MTA3: variants seen among roughly 807,000 people sequenced by gnomAD.
The protein encoded by MTA3 is metastasis associated 1 family member 3, also known as metastasis-associated protein MTA3.
Under a neutral mutation model 83.5 loss-of-function variants are expected in MTA3, and 34 were observed. The ratio of observed to expected loss-of-function variants is 0.41; its 90% CI spans 0.31 to 0.54. MTA3 has a LOEUF of 0.54. MTA3 is among the 20% of genes least tolerant of loss of function. The pLI is 0.33. For synonymous variants in MTA3, 303 were observed against 252.7 expected (o/e 1.20, Z -1.89); for missense variants, 761 against 726.4 (o/e 1.05, Z -0.55).
chr2:42,599,715 C>G (rs1244935492), intron 3 of MTA3, among the ~76,000 whole-genome samples: 1 of 152,046 alleles, frequency 6.6e-6, no homozygotes, highest in East Asian at 1.9e-4. Context: ...CTAAAGATAA[C>G]AAAATAAAAT....
chr2:42,559,203 C>T (rs568274753), intron 2 of MTA3, among the ~76,000 whole-genome samples: 1 of 152,248 alleles, frequency 6.6e-6, no homozygotes, highest in Admixed American at 6.5e-5. Context: ...CCTGGGAGTC[C>T]CAACAAGTTT....
intron 16 of MTA3, among the ~76,000 whole-genome samples, chr2:42,728,475 T>C (rs999263025): frequency 3.3e-5 from 5 of 152,206 alleles, no homozygotes; most frequent in Admixed American, 6.5e-5. Flanking sequence ...CTGGATCATA[T>C]GGTAGTTCTA....
chr2:42,710,777 T>G (rs1666538716), intron 14 of MTA3, among the ~76,000 whole-genome samples: 1 of 152,134 alleles, frequency 6.6e-6, no homozygotes. Flanking sequence ...TTCATGTAAT[T>G]TTTTAAATAA....
intron 6 of MTA3, among the ~76,000 whole-genome samples, chr2:42,655,840 T>C (rs529844330): frequency 7.9e-5 from 12 of 152,324 alleles, no homozygotes; most frequent in African/African-American, 2.6e-4. Flanking sequence ...TGGCCTCAAG[T>C]GATCTGTCTG....
rs185031725 is a variant in MTA3, at chr2:42,724,617, G to A, written c.1759+1582G>A. 1.0e-4 allele frequency among the ~76,000 whole-genome samples: 14 copies of A among 139,570 alleles called. No individual in the cohort carries two copies. The East Asian group carries it at 2.6e-3, about 26-fold the overall frequency. 91.6% of individuals were successfully genotyped at this position (139,570 alleles called of 152,430 possible). ...TCTGATCATGCCACTGCACTCCAGC[G>A]AGGATGACAGAGACCCCATCACACA... is the stretch of plus-strand genomic sequence containing the variant. On this transcript the variant is annotated intron_variant, in intron 16 of 16. Coordinates refer to ENST00000405094, the MANE Select transcript of MTA3 (RefSeq NM_001330442.2).
chr2:42,709,164 C>T (rs2104509352), intron 14 of MTA3, 68 bp downstream of exon 14: 2 of 1,499,918 alleles, frequency 1.3e-6, no homozygotes, highest in Non-Finnish European at 8.9e-7. Flanking sequence ...TCCTCTCTTT[C>T]CTTTTTTTTT....
At position 42,682,605 on chromosome 2, in the gene MTA3, T is replaced by C; in HGVS notation, c.891+16T>C. 1.3e-6 allele frequency: 2 copies of C among 1,592,842 alleles called. No homozygotes were observed. The highest frequency in any genetic ancestry group is 1.7e-6 in the Non-Finnish European group (2 of 1,167,924). On this transcript the variant is annotated intron_variant, in intron 9 of 16. Coordinates refer to ENST00000405094, the MANE Select transcript of MTA3 (RefSeq NM_001330442.2). ...GCAAGATTTTGTAAGTAGAAAATTA[T>C]GAGTAAAATAAAATGTTGAGATGGG...
At chr2:42,728,503 A>C (rs960490089) in intron 16 of MTA3, among the ~76,000 whole-genome samples, 3 of 152,114 alleles carry the variant, frequency 2.0e-5, no homozygotes, top group South Asian at 2.1e-4. Flanking sequence ...TTTTTTGAGG[A>C]TCCTCCAAAC....
chr2:42,736,782 T>C (rs976022850), intron 16 of MTA3, among the ~76,000 whole-genome samples: 2 of 152,202 alleles, frequency 1.3e-5, no homozygotes, highest in Non-Finnish European at 2.9e-5. Flanking sequence ...ACACAACAAG[T>C]ACTGCCTGGA....
chr2:42,579,855 G>A (rs977948685), intron 3 of MTA3, among the ~76,000 whole-genome samples: 52 of 152,166 alleles, frequency 3.4e-4, no homozygotes, highest in Non-Finnish European at 7.6e-4. Context: ...TGGCCTATTG[G>A]TGGTTTTGTG....
chr2:42,524,140 G>A (rs1481674666), intron 2 of MTA3, among the ~76,000 whole-genome samples: 2 of 151,956 alleles, frequency 1.3e-5, no homozygotes, highest in African/African-American at 4.8e-5. Flanking sequence ...GGGAACCATG[G>A]TTCTAGATTG....
intron 4 of MTA3, among the ~76,000 whole-genome samples, chr2:42,626,765 G>A (rs2104229267): frequency 6.6e-6 from 1 of 151,902 alleles, no homozygotes; most frequent in East Asian, 1.9e-4. Context: ...TTTTTAGACA[G>A]AGTCTTGCTT....
intron 15 of MTA3, 62 bp downstream of exon 15, chr2:42,719,136 G>T: frequency 1.6e-6 from 2 of 1,285,594 alleles, no homozygotes; most frequent in Non-Finnish European, 2.2e-6. Context: ...TAGATATTTG[G>T]CAATTCTAAA....
Position 42,719,052 on chromosome 2 carries a change from G to C in MTA3, c.1590G>C (p.Leu530Phe). 3 of 1,550,236 alleles carry C rather than the reference G, an allele frequency of 1.9e-6. No homozygotes were observed. Among genetic ancestry groups the C allele is most frequent in the Non-Finnish European group, 2.6e-6 (3 of 1,146,750 alleles). Residue 530 changes from leucine to phenylalanine, a missense_variant, in exon 15 of 17, where the codon TTG becomes TTC. Physicochemically the swap from Leu to Phe is conservative, Grantham distance 22 (BLOSUM62 0). Coordinates refer to ENST00000405094, the MANE Select transcript of MTA3 (RefSeq NM_001330442.2). ...PLKSKSTRKP[L>F]ACIIGYLEIH... is the part of the protein sequence containing the mutation. The stretch of plus-strand genomic sequence containing the variant: ...AAAGCAAAAGCACTAGGAAGCCTTT[G>C]GCATGTATCATTGGGTATTTAGGTG...
Position 42,534,237 on chromosome 2 carries a change from A to G in MTA3, c.-140-36200A>G, listed in dbSNP as rs370052009. ...CTACAGCCTGCCTGGAACTGGCCCC[A>G]TCACTGATTTCTCCAATACACTTCA... On this transcript the variant is annotated intron_variant, in intron 2 of 17. Transcript: ENST00000405592. Among the ~76,000 whole-genome samples, 3 of 152,170 alleles carry G rather than the reference A, an allele frequency of 2.0e-5. No homozygotes were observed. The East Asian group carries it at 5.8e-4, about 29-fold the overall frequency.
intron 4 of MTA3, among the ~76,000 whole-genome samples, chr2:42,627,475 C>T (rs540154935): frequency 6.6e-6 from 1 of 152,274 alleles, no homozygotes; most frequent in East Asian, 1.9e-4. Flanking sequence ...TCTTCTTAGT[C>T]TTTCCCTTTG....
chr2:42,619,943 A>G (rs1232312700), intron 4 of MTA3, among the ~76,000 whole-genome samples: 1 of 152,198 alleles, frequency 6.6e-6, no homozygotes, highest in Non-Finnish European at 1.5e-5. Context: ...GTTCTACTTA[A>G]GAATGTTCTT....
chr2:42,611,626 G>A (rs1684231835), intron 4 of MTA3, among the ~76,000 whole-genome samples: 2 of 152,042 alleles, frequency 1.3e-5, no homozygotes, highest in African/African-American at 4.8e-5. Context: ...GCCCAGCCTG[G>A]TCAGTAGAGC....
intron 3 of MTA3, among the ~76,000 whole-genome samples, chr2:42,605,013 T>G (rs1683075544): frequency 6.6e-6 from 1 of 150,556 alleles, no homozygotes. Flanking sequence ...ACCATCCGAT[T>G]TCTCAATCTT....
Sources: gnomAD v4.1 joint callset for allele counts (sites outside exome capture counted in the v4.1 genomes callset) on GRCh38, gnomAD v4.1.1 for gene constraint, MANE v1.5 for transcripts, NCBI Gene and HGNC (gene_info 2026-07-23, HGNC 2026-07-21) for gene names.